Variants in PRDM2 observed in about 807,000 individuals in gnomAD.
PRDM2 encodes the protein PR domain zinc finger protein 2.
A neutral mutation model predicts 130.0 loss-of-function variants in PRDM2; 30 were observed. The ratio of observed to expected loss-of-function variants is 0.23; its 90% confidence interval spans 0.17 to 0.31. PRDM2 has a LOEUF of 0.31. PRDM2 is among the 10% of genes least tolerant of loss of function. PRDM2 has a pLI of 1.00. For missense variants in PRDM2, 2,011 were observed against 2,108.4 expected, an observed-to-expected ratio of 0.95 and a Z score of 0.90; for synonymous variants, 871 against 782.4, an observed-to-expected ratio of 1.11 and a Z score of -1.89.
chr1:13,820,896 G>A (rs564577387), intron 9 of PRDM2, among the ~76,000 whole-genome samples: 4 of 152,192 alleles, frequency 2.6e-5, no homozygotes, highest in Admixed American at 6.5e-5. Flanking sequence ...AGCCGGCCCC[G>A]CCTCTGCTTC....
intron 6 of PRDM2, among the ~76,000 whole-genome samples, chr1:13,755,085 TTTAA>T (rs1300657701): frequency 2.0e-5 from 3 of 152,130 alleles, no homozygotes; most frequent in African/African-American, 7.2e-5. Flanking sequence ...TCAGTACGGT[TTTAA>T]TTAGTAGTTT....
intron 6 of PRDM2, among the ~76,000 whole-genome samples, chr1:13,755,256 G>A (rs1010974630): frequency 4.6e-5 from 7 of 152,124 alleles, no homozygotes; most frequent in East Asian, 1.9e-4. Context: ...GTGGATTAAC[G>A]TAAATTTTTC....
chr1:13,715,100 A>G (rs1250363450), intron 1 of PRDM2, among the ~76,000 whole-genome samples: 1 of 152,206 alleles, frequency 6.6e-6, no homozygotes, highest in Non-Finnish European at 1.5e-5. Flanking sequence ...TAGTAAATTC[A>G]ACTTTCTAAT....
intron 6 of PRDM2, chr1:13,769,230 C>G (rs1374601225): frequency 1.1e-6 from 1 of 887,760 alleles, no homozygotes; most frequent in East Asian, 1.2e-4. Context: ...CTCTGCCTCA[C>G]AGAGAGAAGC....
chr1:13,720,258 A>G (rs1382072226), intron 2 of PRDM2, among the ~76,000 whole-genome samples: 1 of 152,256 alleles, frequency 6.6e-6, no homozygotes, highest in Admixed American at 6.5e-5. Context: ...TGGTACATGC[A>G]GCTTTATGTA....
rs558820118 is a variant in PRDM2, at chr1:13,812,946, G to A, written c.5037-3481G>A. Among the ~76,000 whole-genome samples the A allele has an allele frequency of 1.1e-4, 16 of 152,250 alleles. No individual in the cohort carries two copies. The South Asian group carries it at 2.5e-3, about 24-fold the overall frequency. ...GGAAACCGAGGCTCCGAGGCCGAGC[G>A]ACAGGGAGTGGCTTACCCTGGGCCA... is the stretch of plus-strand genomic sequence containing the variant. On this transcript the variant is annotated intron_variant, in intron 8 of 9. Coordinates refer to ENST00000311066, the MANE Select transcript of PRDM2 (RefSeq NM_001393986.1).
In PRDM2 at chr1:13,749,390, C is replaced by G; in HGVS notation, c.414C>G (p.Val138=). 1.3e-6 allele frequency: 2 copies of G among 1,499,628 alleles called. No homozygotes were observed. Among genetic ancestry groups the G allele is most frequent in the Non-Finnish European group, 1.8e-6 (2 of 1,110,384 alleles). The allele number at this position is 1,499,628 out of a possible 1,614,324, so 92.9% of individuals were successfully genotyped here. The change falls in exon 6 of 10, where the codon GTC becomes GTG. Residue 138 remains valine, a synonymous_variant. Transcript: ENST00000311066. ...TCGCGCCGGGCGAGGAGCTCCTGGT[C>G]TGGTACAATGGGGAAGACAACCCTG... is the stretch of plus-strand genomic sequence containing the variant. ...KPIAPGEELL[V]WYNGEDNPEI... is the part of the protein sequence containing the mutation.
chr1:13,720,569 A>G (rs1387761885), intron 2 of PRDM2, among the ~76,000 whole-genome samples: 1 of 152,148 alleles, frequency 6.6e-6, no homozygotes, highest in Non-Finnish European at 1.5e-5. Flanking sequence ...AAATACAAAT[A>G]ATGAAACTAT....
intron 5 of PRDM2, among the ~76,000 whole-genome samples, chr1:13,743,167 A>C (rs986147162): frequency 1.3e-5 from 2 of 152,138 alleles, no homozygotes; most frequent in Non-Finnish European, 2.9e-5. Flanking sequence ...TGGGAGGCCA[A>C]GGCGGGCGGA....
intron 8 of PRDM2, among the ~76,000 whole-genome samples, chr1:13,808,463 CAAA>C (rs58838331): frequency 1.2e-4 from 7 of 58,920 alleles, no homozygotes; most frequent in Admixed American, 1.8e-4. Flanking sequence ...GACTCTGTCT[CAAA>C]AAAAAAAAAA....
At chr1:13,756,843 T>C (rs1221086854) in intron 6 of PRDM2, among the ~76,000 whole-genome samples, 1 of 152,216 alleles carries the variant, frequency 6.6e-6, no homozygotes. Context: ...TAGCTAATCC[T>C]CCCAATAATC....
At chr1:13,792,838 T>G (rs1232367039) in intron 8 of PRDM2, among the ~76,000 whole-genome samples, 1 of 152,198 alleles carries the variant, frequency 6.6e-6, no homozygotes, top group Non-Finnish European at 1.5e-5. Flanking sequence ...CTCTCCCACA[T>G]CTGACGGAGA....
intron 6 of PRDM2, among the ~76,000 whole-genome samples, chr1:13,760,589 A>G (rs1422524053): frequency 6.6e-6 from 1 of 152,228 alleles, no homozygotes. Context: ...CTTTGGAATT[A>G]AGAGACCAGA....
At chr1:13,726,531 C>T (rs183485859) in intron 2 of PRDM2, among the ~76,000 whole-genome samples, 36 of 152,188 alleles carry the variant, frequency 2.4e-4, no homozygotes, top group African/African-American at 7.9e-4. Context: ...TAATGACTGA[C>T]GGATGGGCTG....
chr1:13,816,733 T>C (rs1645264812), intron 9 of PRDM2, among the ~76,000 whole-genome samples, 163 bp downstream of exon 9: 1 of 152,150 alleles, frequency 6.6e-6, no homozygotes, highest in Non-Finnish European at 1.5e-5. Context: ...CTTAGCTGAG[T>C]GCAGACTCCG....
At chr1:13,731,142 C>A in intron 3 of PRDM2, 25 bp downstream of exon 3, 1 of 1,587,472 alleles carries the variant, frequency 6.3e-7, no homozygotes, top group Non-Finnish European at 8.6e-7. Context: ...TGTCACGGAG[C>A]AAGTCAGGCA....
chr1:13,766,685 C>T (rs1644234473), intron 6 of PRDM2, among the ~76,000 whole-genome samples: 1 of 152,172 alleles, frequency 6.6e-6, no homozygotes, highest in Non-Finnish European at 1.5e-5. Flanking sequence ...GTGAAGCTCC[C>T]CAAGTGAAGA....
rs1293509213 is a variant in PRDM2 at position 13,782,810 on chromosome 1, A to G, written c.5015A>G (p.Lys1672Arg). 2 of 1,608,292 alleles carry G rather than the reference A, an allele frequency of 1.2e-6. No individual in the cohort carries two copies. The highest frequency in any genetic ancestry group is 1.1e-5 in the South Asian group (1 of 90,264). The change falls in exon 8 of 10, where the codon AAG becomes AGG. Residue 1672 changes from lysine (K) to arginine (R), a missense_variant. By Grantham distance (26) the Lys-to-Arg change is conservative. Around this residue, in one of 5 missense-constraint regions of PRDM2, gnomAD observed 410 missense variants for 395.9 expected, o/e 1.04. Coordinates refer to ENST00000311066, the MANE Select transcript of PRDM2 (RefSeq NM_001393986.1). ...AACAAGAGAGAGGACGGCAGCGCCA[A>G]GCAGGAGCTGAAGGACTTCAGGTAA... ...SENKREDGSA[K>R]QELKDFSYSL...
Position 13,815,799 on chromosome 1 carries a change from C to T in PRDM2, c.5037-628C>T, listed in dbSNP as rs145055292. Among the ~76,000 whole-genome samples, 6 of 152,262 alleles carry T rather than the reference C, an allele frequency of 3.9e-5. No homozygotes were observed. In the East Asian group the frequency reaches 5.8e-4, roughly 15 times the overall value. On this transcript the variant is annotated intron_variant, in intron 8 of 9. Transcript: ENST00000311066. ...TACAAATAGTACAAAACCATGCCCCCGAAATTCCTAGATTCACCTCTTTGG... is the reference window on the plus strand; with the variant it reads ...TACAAATAGTACAAAACCATGCCCCTGAAATTCCTAGATTCACCTCTTTGG...
Sources: allele counts gnomAD v4.1 joint callset (sites outside exome capture counted in the v4.1 genomes callset), GRCh38; gene constraint gnomAD v4.1.1; regional missense constraint gnomAD v4.1.1; transcripts MANE v1.5; gene names NCBI Gene and HGNC (gene_info 2026-07-23, HGNC 2026-07-21).